Variants in TRPM7 observed in about 807,000 individuals in gnomAD.
The protein encoded by TRPM7 is transient receptor potential cation channel subfamily M member 7, also known as LTRPC ion channel family member 7.
In TRPM7, 134 loss-of-function variants were observed where a neutral mutation model predicts 229.7. That is an observed-to-expected ratio of 0.58 (90% CI 0.51 to 0.67). TRPM7 has a LOEUF of 0.67. Ranked by LOEUF, TRPM7 falls within the 30% of genes least tolerant of loss-of-function variation. TRPM7 has a pLI of 0.00. For synonymous variants in TRPM7, 699 were observed against 715.2 expected (o/e 0.98, Z 0.36); for missense variants, 1,901 against 2,210.0 (o/e 0.86, Z 2.80).
intron 12 of TRPM7, among the ~76,000 whole-genome samples, chr15:50,621,645 G>C (rs1447598005): frequency 6.6e-6 from 1 of 152,116 alleles, no homozygotes; most frequent in South Asian, 2.1e-4. Context: ...AAGCAAATAC[G>C]AGAATCCAGC....
At chr15:50,640,669 T>A (rs1485000278) in intron 5 of TRPM7, among the ~76,000 whole-genome samples, 1 of 152,056 alleles carries the variant, frequency 6.6e-6, no homozygotes, top group Non-Finnish European at 1.5e-5. Flanking sequence ...AGGGCCTTTA[T>A]ATATGTGATA....
chr15:50,651,754 G>C (rs1004273537), intron 3 of TRPM7, among the ~76,000 whole-genome samples: 1 of 152,144 alleles, frequency 6.6e-6, no homozygotes. Context: ...GCTGGGCGTC[G>C]TGGCAGTCGC....
intron 1 of TRPM7, among the ~76,000 whole-genome samples, chr15:50,680,149 A>C (rs7182709): frequency 6.6e-6 from 1 of 151,964 alleles, no homozygotes; most frequent in African/African-American, 2.4e-5. Context: ...GAGGAGAATC[A>C]CTTGAACCCG....
intron 2 of TRPM7, 140 bp downstream of exon 2, chr15:50,662,827 T>G (rs774818015): frequency 1.4e-5 from 10 of 703,078 alleles, no homozygotes; most frequent in Non-Finnish European, 2.4e-5. Flanking sequence ...CCTCCCAAAT[T>G]AAATGATTAA....
intron 8 of TRPM7, among the ~76,000 whole-genome samples, chr15:50,633,835 C>T (rs930117034): frequency 3.9e-5 from 6 of 152,160 alleles, no homozygotes; most frequent in South Asian, 2.1e-4. Flanking sequence ...AGTGCCTCTA[C>T]GTTTGACACA....
At chr15:50,678,794 C>T (rs1027691451) in intron 1 of TRPM7, among the ~76,000 whole-genome samples, 2 of 152,014 alleles carry the variant, frequency 1.3e-5, no homozygotes, top group Non-Finnish European at 2.9e-5. Flanking sequence ...CTTTGGGAGG[C>T]CAAGGCAAGA....
In TRPM7 at chr15:50,609,562, G is replaced by C; in HGVS notation, c.2580+19C>G. On this transcript the variant is annotated intron_variant, in intron 19 of 38. Coordinates refer to ENST00000646667, the MANE Select transcript of TRPM7 (RefSeq NM_017672.6). ...CCTAACTCTTAAAAACATTATGCTT[G>C]TGTAATTTAAAAACATACCGTGTTA... 2 of 1,592,424 alleles carry C rather than the reference G, an allele frequency of 1.3e-6. No homozygotes were observed. The highest frequency in any genetic ancestry group is 1.7e-6 in the Non-Finnish European group (2 of 1,172,626).
intron 14 of TRPM7, 59 bp downstream of exon 14, chr15:50,614,060 CAATT>C (rs1299802250): frequency 2.1e-6 from 3 of 1,457,648 alleles, no homozygotes; most frequent in Admixed American, 2.2e-5. Flanking sequence ...TAATTCTTAA[CAATT>C]AAAGTGCATG....
chr15:50,607,073 G>A (rs2059935377), intron 20 of TRPM7, 127 bp downstream of exon 20: 6 of 760,688 alleles, frequency 7.9e-6, no homozygotes, highest in Non-Finnish European at 1.2e-5. Flanking sequence ...AAATTACACA[G>A]GTTCTACACT....
chr15:50,606,270 T>C (rs1354115605), intron 20 of TRPM7, among the ~76,000 whole-genome samples: 1 of 151,750 alleles, frequency 6.6e-6, no homozygotes, highest in East Asian at 2.0e-4. Flanking sequence ...TCCCAGCTAC[T>C]AGTGAGGGTG....
intron 1 of TRPM7, among the ~76,000 whole-genome samples, chr15:50,684,041 G>A (rs1244882577): frequency 6.6e-6 from 1 of 151,922 alleles, no homozygotes; most frequent in African/African-American, 2.4e-5. Context: ...TAGTAGAGAC[G>A]GGGTTTCACC....
At chr15:50,612,209 G>GC (rs1191603725) in intron 16 of TRPM7, among the ~76,000 whole-genome samples, 1 of 152,140 alleles carries the variant, frequency 6.6e-6, no homozygotes, top group Admixed American at 6.5e-5. Context: ...TTCCACCTCA[G>GC]CCTCCTGAGT....
At chr15:50,572,179 G>A (rs915911443) in intron 36 of TRPM7, among the ~76,000 whole-genome samples, 2 of 152,236 alleles carry the variant, frequency 1.3e-5, no homozygotes, top group Non-Finnish European at 2.9e-5. Context: ...CAGCTATGCA[G>A]GAGGCTGAGG....
chr15:50,656,170 A>G (rs2061563481), intron 3 of TRPM7, among the ~76,000 whole-genome samples: 1 of 150,720 alleles, frequency 6.6e-6, no homozygotes, highest in Non-Finnish European at 1.5e-5. Context: ...ATGAAATGCT[A>G]AATAAAAGAA....
chr15:50,620,847 G>A (rs576355599), intron 12 of TRPM7, among the ~76,000 whole-genome samples: 2 of 151,442 alleles, frequency 1.3e-5, no homozygotes, highest in South Asian at 2.1e-4. Flanking sequence ...TAGAAGAATC[G>A]CTTGAACCCG....
At chr15:50,587,718 A>G (rs1423745254) in intron 27 of TRPM7, among the ~76,000 whole-genome samples, 2 of 152,310 alleles carry the variant, frequency 1.3e-5, no homozygotes, top group Non-Finnish European at 2.9e-5. Context: ...GAGTGTGGCA[A>G]TATGACAATA....
chr15:50,586,656 T>C, intron 27 of TRPM7, 168 bp from the exon 28 acceptor site: 1 of 472,930 alleles, frequency 2.1e-6, no homozygotes, highest in Non-Finnish European at 3.7e-6. Flanking sequence ...AATGCCAATT[T>C]CAAAAGCTGC....
chr15:50,651,836 G>A (rs2061429620), intron 3 of TRPM7, among the ~76,000 whole-genome samples: 1 of 151,936 alleles, frequency 6.6e-6, no homozygotes, highest in Non-Finnish European at 1.5e-5. Context: ...GCAGTGAGCT[G>A]AGATCGCGCC....
chr15:50,628,284 T>TA, intron 10 of TRPM7, 35 bp from the exon 11 acceptor site: 1 of 1,433,000 alleles, frequency 7.0e-7, no homozygotes, highest in Non-Finnish European at 9.7e-7. Flanking sequence ...ACAGGTTCAA[T>TA]TAATTTATCT....
Sources: gnomAD v4.1 joint callset for allele counts (sites outside exome capture counted in the v4.1 genomes callset) on GRCh38, gnomAD v4.1.1 for gene constraint, MANE v1.5 for transcripts, NCBI Gene and HGNC (gene_info 2026-07-23, HGNC 2026-07-21) for gene names.